The following MKNK1 variants were observed in gnomAD, a reference collection of about 807,000 sequenced individuals.
MKNK1 encodes MAPK interacting serine/threonine kinase 1, also known as MAP kinase-interacting serine/threonine-protein kinase 1.
MKNK1 carries 30 observed loss-of-function variants against 49.3 expected under a neutral mutation model. The ratio of observed to expected loss-of-function variants is 0.61; its 90% CI spans 0.46 to 0.83. MKNK1 has a LOEUF of 0.83. MKNK1 is among the 40% of genes least tolerant of loss of function. MKNK1 has a pLI of 0.00. For synonymous variants in MKNK1, 176 were observed against 201.7 expected, an observed-to-expected ratio of 0.87 and a Z score of 1.08; for missense variants, 423 against 524.7, an observed-to-expected ratio of 0.81 and a Z score of 1.89.
At chr1:46,558,952 C>T (rs1667442712) in intron 12 of MKNK1, 152 bp from the exon 13 acceptor site, 1 of 660,322 alleles carries the variant, frequency 1.5e-6, no homozygotes, top group South Asian at 1.9e-5. Flanking sequence ...GTAGTTCTTG[C>T]CTAGGTTTGG....
chr1:46,588,160 C>T lies in MKNK1; in HGVS notation c.-2-4831G>A, dbSNP rs111620926. On this transcript the variant is annotated intron_variant, in intron 2 of 12. Transcript: ENST00000371945. ...TAACTGGGATTCAAACTCAATGCTG[C>T]TCTTTCAAGTCCAGACCATTTCTAA... Among the ~76,000 whole-genome samples, 7 of 152,348 alleles carry T rather than the reference C, an allele frequency of 4.6e-5. 1 individual carries two copies. Among genetic ancestry groups the T allele is most frequent in the African/African-American group, 1.7e-4 (7 of 41,584 alleles).
chr1:46,565,183 G>T, intron 8 of MKNK1, 47 bp from the exon 9 acceptor site: 1 of 1,569,600 alleles, frequency 6.4e-7, no homozygotes, highest in Non-Finnish European at 8.8e-7. Context: ...AGAAACTACG[G>T]GGCAAGAGGA....
intron 2 of MKNK1, among the ~76,000 whole-genome samples, chr1:46,590,818 C>T (rs892741238): frequency 7.9e-5 from 12 of 152,216 alleles, no homozygotes; most frequent in South Asian, 4.1e-4. Context: ...TCATTTTCAG[C>T]GTGTGCTATG....
chr1:46,582,333 C>T (rs1287516616), intron 3 of MKNK1, among the ~76,000 whole-genome samples: 1 of 152,174 alleles, frequency 6.6e-6, no homozygotes, highest in Non-Finnish European at 1.5e-5. Flanking sequence ...CACTGTTATT[C>T]GTAAGTGTTT....
At chr1:46,581,774 G>A (rs778197749) in intron 3 of MKNK1, among the ~76,000 whole-genome samples, 3 of 152,128 alleles carry the variant, frequency 2.0e-5, no homozygotes, top group Non-Finnish European at 4.4e-5. Context: ...AGGACACCTT[G>A]AGGTTTTTAG....
rs1457582366 is a variant in MKNK1, at chr1:46,572,174, A to G, written c.353-7T>C. The G allele has an allele frequency of 1.2e-6, 2 of 1,612,710 alleles. No homozygotes were observed. Among genetic ancestry groups the G allele is most frequent in the East Asian group, 2.2e-5 (1 of 44,888 alleles). On this transcript the variant is annotated splice_region_variant and splice_polypyrimidine_tract_variant and intron_variant, in intron 6 of 12. Transcript: ENST00000371945. ...ATGTGGGCTAAGATGGAACCTGGGG[A>G]GCAGAGGGGACATAGAAGAATGCCT...
intron 1 of MKNK1, among the ~76,000 whole-genome samples, chr1:46,603,127 T>C (rs577166449): frequency 1.4e-4 from 21 of 152,292 alleles, no homozygotes; most frequent in African/African-American, 4.8e-4. Context: ...CTCAGTTCCA[T>C]ATAAAACCCA....
chr1:46,561,852 G>A (rs1462055719), intron 10 of MKNK1, among the ~76,000 whole-genome samples: 1 of 152,170 alleles, frequency 6.6e-6, no homozygotes, highest in East Asian at 1.9e-4. Flanking sequence ...AGGCCAGGAT[G>A]GCTATGCCCT....
Position 46,562,629 on chromosome 1 carries a change from C to G in MKNK1, c.804+20G>C. The G allele has an allele frequency of 6.5e-7, 1 of 1,548,094 alleles. No homozygotes were observed. Among genetic ancestry groups the G allele is most frequent in the Non-Finnish European group, 8.7e-7 (1 of 1,146,316 alleles). ...GACCCCTAGCAGGGTCTACGCAGTG[C>G]TCCCTGGGGCCGCACTCACCTGGCA... On this transcript the variant is annotated intron_variant, in intron 10 of 12. Transcript: ENST00000371945.
At position 46,589,839 on chromosome 1, in the gene MKNK1, A is replaced by G. The variant is rs1356461798; in HGVS notation, c.-3+4274T>C. Among the ~76,000 whole-genome samples, 3 of 152,126 alleles carry G rather than the reference A, an allele frequency of 2.0e-5. No individual in the cohort carries two copies. The highest frequency in any genetic ancestry group is 4.8e-5 in the African/African-American group (2 of 41,420). On this transcript the variant is annotated intron_variant, in intron 2 of 12. Transcript: ENST00000371945. This position sits in a 1 kb window ranked among gnomAD's most constrained non-coding sequence, Gnocchi z 4.3. The stretch of plus-strand genomic sequence containing the variant: ...ACTTCTCCATAGTCTTATGAGCCAC[A>G]TTGTCCCCAAAGGAACCAGATCTGT...
At chr1:46,564,481 T>G (rs1303348937) in intron 9 of MKNK1, among the ~76,000 whole-genome samples, 17 of 136,144 alleles carry the variant, frequency 1.2e-4, no homozygotes, top group Non-Finnish European at 9.3e-5. Flanking sequence ...TTTTTTTTTT[T>G]TTTTTTTTTT....
chr1:46,596,787 A>G (rs1172188147), intron 1 of MKNK1, among the ~76,000 whole-genome samples: 1 of 152,214 alleles, frequency 6.6e-6, no homozygotes, highest in East Asian at 1.9e-4. Flanking sequence ...AGCTTCTGAC[A>G]TGGCTTCTCC....
chr1:46,578,586 A>ATT lies in MKNK1; in HGVS notation c.199-1934_199-1933dup, dbSNP rs71817045. Among the ~76,000 whole-genome samples the ATT allele has an allele frequency of 2.8e-3, 392 of 138,314 alleles. 5 individuals are homozygous for ATT. Among genetic ancestry groups the ATT allele is most frequent in the African/African-American group, 9.1e-3 (332 of 36,288 alleles). 90.7% of individuals were successfully genotyped at this position (138,314 alleles called of 152,430 possible). On this transcript the variant is annotated intron_variant, in intron 4 of 12. Transcript: ENST00000371945. The stretch of plus-strand genomic sequence containing the variant: ...TTACCGCATTTAGACAGATATATCA[A>ATT]TTTTTTTTTTTTTTTTTTGAGACAG...
chr1:46,569,865 T>C (rs1441406284), intron 7 of MKNK1: 1 of 152,106 alleles, frequency 6.6e-6, no homozygotes, highest in Non-Finnish European at 1.5e-5. Flanking sequence ...ACTCTCCAAA[T>C]AGGCGCCCAT....
At position 46,558,427 on chromosome 1, in the gene MKNK1, T is replaced by C. The variant is rs1316753544; in HGVS notation, c.*148A>G. 9 of 773,800 alleles carry C rather than the reference T, an allele frequency of 1.2e-5. No homozygotes were observed. The highest frequency in any genetic ancestry group is 1.8e-5 in the Non-Finnish European group (9 of 507,970). The allele number at this position is 773,800 out of a possible 1,614,324, so 47.9% of individuals were successfully genotyped here. A position where few individuals can be genotyped will look rare whatever the true frequency, so the allele number is the denominator to read the frequency against. On this transcript the variant is annotated 3_prime_UTR_variant, in exon 13 of 13. Coordinates refer to ENST00000371945, the MANE Select transcript of MKNK1 (RefSeq NM_001135553.4). ...AGGACCCTAGGGAAATGGGGGTTGA[T>C]GGGAACCTCAGGGCCTTCGTAGATG...
intron 1 of MKNK1, 73 bp from the exon 2 acceptor site, chr1:46,594,353 A>T: frequency 1.6e-6 from 1 of 625,910 alleles, no homozygotes; most frequent in Non-Finnish European, 2.9e-6. Context: ...AGAAAGATCA[A>T]TCTGAACGTG....
chr1:46,594,025 C>T (rs1253708097), intron 2 of MKNK1, 88 bp downstream of exon 2: 3 of 1,055,502 alleles, frequency 2.8e-6, no homozygotes, highest in Non-Finnish European at 4.3e-6. Flanking sequence ...AAACCACGGT[C>T]TCTTACCCGC....
At chr1:46,561,282 C>T (rs961320791) in intron 11 of MKNK1, among the ~76,000 whole-genome samples, 196 bp downstream of exon 11, 18 of 152,188 alleles carry the variant, frequency 1.2e-4, no homozygotes, top group African/African-American at 3.6e-4. Context: ...TTACAGCCAA[C>T]TCTATGGCCT....
chr1:46,575,897 G>A (rs1000530246), intron 5 of MKNK1: 10 of 152,234 alleles, frequency 6.6e-5, no homozygotes, highest in Admixed American at 3.9e-4. Context: ...GCAGTGCCTG[G>A]AGTTAAATCA....
Sources: gnomAD v4.1 joint callset for allele counts (sites outside exome capture counted in the v4.1 genomes callset) on GRCh38, gnomAD v4.1.1 for gene constraint, Gnocchi (gnomAD v3.1) non-coding constraint, MANE v1.5 for transcripts, NCBI Gene and HGNC (gene_info 2026-07-23, HGNC 2026-07-21) for gene names.